Variants in KCNIP4 observed in about 807,000 individuals in gnomAD.
The protein encoded by KCNIP4 is potassium voltage-gated channel interacting protein 4.
A neutral mutation model predicts 34.0 loss-of-function variants in KCNIP4; 12 were observed. That is an observed-to-expected ratio of 0.35 (90% CI 0.23 to 0.57). The LOEUF (loss-of-function observed/expected upper bound fraction) is 0.57, where lower values mean the gene tolerates loss of function less well. Among genes scored for constraint, KCNIP4 ranks in the 20% least tolerant of loss-of-function variants. KCNIP4 has a pLI of 0.83. For missense variants in KCNIP4, 238 were observed against 311.7 expected, an observed-to-expected ratio of 0.76 and a Z score of 1.78; for synonymous variants, 124 against 102.2, an observed-to-expected ratio of 1.21 and a Z score of -1.29.
chr4:21,260,175 G>A (rs1180365111), intron 1 of KCNIP4, among the ~76,000 whole-genome samples: 3 of 142,234 alleles, frequency 2.1e-5, no homozygotes, highest in African/African-American at 7.3e-5. Context: ...TTAGGAAAGA[G>A]TCTCTGGCTT....
intron 1 of KCNIP4, among the ~76,000 whole-genome samples, chr4:21,239,614 A>G (rs959164406): frequency 6.6e-6 from 1 of 152,250 alleles, no homozygotes; most frequent in Non-Finnish European, 1.5e-5. Flanking sequence ...GCCAACAGAC[A>G]CATGAAAAAA....
chr4:20,893,322 G>C (rs1426560297), intron 1 of KCNIP4, among the ~76,000 whole-genome samples: 1 of 152,168 alleles, frequency 6.6e-6, no homozygotes, highest in South Asian at 2.1e-4. Flanking sequence ...ATGATGGAAA[G>C]ATTTGGAACT....
intron 1 of KCNIP4, among the ~76,000 whole-genome samples, chr4:21,635,899 A>T (rs1464940252): frequency 6.6e-6 from 1 of 151,926 alleles, no homozygotes; most frequent in Non-Finnish European, 1.5e-5. Flanking sequence ...CAAATGTCCA[A>T]CAATGATAGA....
At chr4:21,422,890 TG>T (rs1193270939) in intron 1 of KCNIP4, among the ~76,000 whole-genome samples, 1 of 152,156 alleles carries the variant, frequency 6.6e-6, no homozygotes, top group Non-Finnish European at 1.5e-5. Flanking sequence ...TTGTGACCAC[TG>T]GTTGACCAGA....
intron 1 of KCNIP4, among the ~76,000 whole-genome samples, chr4:21,259,643 C>T (rs917222423): frequency 6.6e-6 from 1 of 152,122 alleles, no homozygotes; most frequent in Admixed American, 6.6e-5. Flanking sequence ...ATGATGGATA[C>T]AGCAATGAAG....
intron 1 of KCNIP4, among the ~76,000 whole-genome samples, chr4:21,264,035 C>T (rs972320615): frequency 7.2e-5 from 11 of 151,802 alleles, no homozygotes; most frequent in Non-Finnish European, 1.6e-4. Flanking sequence ...CCATCCAAAT[C>T]GTTAGTGGTG....
chr4:21,228,349 C>T (rs1325865572), intron 1 of KCNIP4, among the ~76,000 whole-genome samples: 3 of 152,282 alleles, frequency 2.0e-5, no homozygotes, highest in African/African-American at 7.2e-5. Flanking sequence ...TCCCCTTCAC[C>T]TTCTGCCATG....
intron 1 of KCNIP4, among the ~76,000 whole-genome samples, chr4:21,131,479 G>A (rs1347562262): frequency 6.6e-6 from 1 of 152,036 alleles, no homozygotes; most frequent in Non-Finnish European, 1.5e-5. Context: ...GCATGCTGGC[G>A]GGCACCTGCA....
chr4:21,501,688 T>TTGTGTGTGTGTGTG (rs370071298), intron 1 of KCNIP4, among the ~76,000 whole-genome samples: 3,829 of 127,232 alleles, frequency 0.03, 108 homozygotes, highest in African/African-American at 0.037. Flanking sequence ...TGCAGAAGCC[T>TTGTGTGTGTGTGTG]TGTGTGTGTG....
intron 1 of KCNIP4, among the ~76,000 whole-genome samples, chr4:21,308,166 G>A (rs997076043): frequency 1.3e-5 from 2 of 152,148 alleles, no homozygotes; most frequent in African/African-American, 2.4e-5. Context: ...AATATTAAGA[G>A]CATCCAACAG....
chr4:20,868,531 A>T (rs1326414193), intron 2 of KCNIP4, among the ~76,000 whole-genome samples: 1 of 152,092 alleles, frequency 6.6e-6, no homozygotes, highest in Non-Finnish European at 1.5e-5. Flanking sequence ...AAAAAGACAC[A>T]TGCACTCATA....
rs1460893916 is a variant in KCNIP4, at chr4:21,763,037, A to G, written c.61+185534T>C. 3 of 1,288,804 alleles carry G rather than the reference A, an allele frequency of 2.3e-6. No individual in the cohort carries two copies. The East Asian group carries it at 1.7e-4, about 72-fold the overall frequency. The allele number at this position is 1,288,804 out of a possible 1,614,324, so 79.8% of individuals were successfully genotyped here. A position where few individuals can be genotyped will look rare whatever the true frequency, so the allele number is the denominator to read the frequency against. On this transcript the variant is annotated intron_variant, in intron 1 of 8. Coordinates refer to ENST00000382152, the MANE Select transcript of KCNIP4 (RefSeq NM_025221.6). ...GCGAATGCTCAATAACCGCTTCTAG[A>G]TTGAATGGACATATGCACAGTTTGC... is the stretch of plus-strand genomic sequence containing the variant.
At position 21,173,830 on chromosome 4, in the gene KCNIP4, C is replaced by CA. The variant is rs942911953; in HGVS notation, c.62-291122dup. Among the ~76,000 whole-genome samples, 5 of 151,868 alleles carry CA rather than the reference C, an allele frequency of 3.3e-5. No homozygotes were observed. The South Asian group carries it at 1.0e-3, about 32-fold the overall frequency. ...AGAAAGTCACGTGCTTCAGTCAAAGCAAAAAAGAAAAGCTTTTATTCTGTA... is the reference window on the plus strand; with the variant it reads ...AGAAAGTCACGTGCTTCAGTCAAAGCAAAAAAAGAAAAGCTTTTATTCTGTA... On this transcript the variant is annotated intron_variant, in intron 1 of 8. Coordinates refer to ENST00000382152, the MANE Select transcript of KCNIP4 (RefSeq NM_025221.6).
intron 1 of KCNIP4, among the ~76,000 whole-genome samples, chr4:21,009,888 G>A (rs951687173): frequency 1.3e-5 from 2 of 152,130 alleles, no homozygotes; most frequent in Admixed American, 6.6e-5. Flanking sequence ...TAAAAGACTT[G>A]TGTGCCTACT....
intron 1 of KCNIP4, among the ~76,000 whole-genome samples, chr4:20,891,166 T>C (rs552349173): frequency 1.3e-4 from 20 of 152,324 alleles, no homozygotes; most frequent in African/African-American, 4.8e-4. Flanking sequence ...ACTCTATTAA[T>C]TCACAGTCCC....
chr4:20,864,824 G>T (rs1490680720), intron 2 of KCNIP4, among the ~76,000 whole-genome samples: 1 of 152,118 alleles, frequency 6.6e-6, no homozygotes, highest in African/African-American at 2.4e-5. Flanking sequence ...TGGCAGAACT[G>T]GGCCTAAATC....
At chr4:21,774,354 T>C (rs1037484719) in intron 1 of KCNIP4, among the ~76,000 whole-genome samples, 1 of 152,178 alleles carries the variant, frequency 6.6e-6, no homozygotes, top group Non-Finnish European at 1.5e-5. Context: ...CCTTTCTCTC[T>C]GGCTGCCCTT....
chr4:20,845,504 G>A (rs997433561), intron 3 of KCNIP4, among the ~76,000 whole-genome samples: 5 of 152,062 alleles, frequency 3.3e-5, no homozygotes, highest in African/African-American at 1.2e-4. Context: ...ACCACCCTCT[G>A]CTGACTCCCT....
At chr4:21,547,553 G>GAGA (rs1393821590) in intron 1 of KCNIP4, among the ~76,000 whole-genome samples, 1 of 151,842 alleles carries the variant, frequency 6.6e-6, no homozygotes, top group African/African-American at 2.4e-5. Flanking sequence ...TCCTCTTTGG[G>GAGA]CAACAGTCCC....
Sources: gnomAD v4.1 joint callset for allele counts (sites outside exome capture counted in the v4.1 genomes callset) on GRCh38, gnomAD v4.1.1 for gene constraint, MANE v1.5 for transcripts, NCBI Gene and HGNC (gene_info 2026-07-23, HGNC 2026-07-21) for gene names.